Variants in HPSE2 observed in about 807,000 individuals in gnomAD.
HPSE2 encodes the protein inactive heparanase-2.
HPSE2 carries 38 observed loss-of-function variants against 60.5 expected under a neutral mutation model. The observed-to-expected ratio is 0.63, with a 90% CI of 0.48 to 0.82. The LOEUF (loss-of-function observed/expected upper bound fraction) is 0.82, where lower values mean the gene tolerates loss of function less well. Ranked by LOEUF, HPSE2 falls within the 40% of genes least tolerant of loss-of-function variation. The pLI, the probability that HPSE2 is intolerant of heterozygous loss-of-function variation, is 0.00. For missense variants in HPSE2, 713 were observed against 740.4 expected (o/e 0.96, Z 0.43); for synonymous variants, 295 against 293.2 (o/e 1.01, Z -0.06).
the HPSE2 span, among the ~76,000 whole-genome samples, chr10:99,252,250 C>A: frequency 6.6e-6 from 1 of 152,036 alleles, no homozygotes; most frequent in Admixed American, 6.6e-5. Context: ...CCCTTGAGAA[C>A]TGGAACAAGA....
At chr10:98,529,785 C>G (rs1386052897) in intron 9 of HPSE2, among the ~76,000 whole-genome samples, 1 of 152,194 alleles carries the variant, frequency 6.6e-6, no homozygotes, top group Non-Finnish European at 1.5e-5. Flanking sequence ...CTTCTCTTTT[C>G]TCCTGCACAA....
chr10:99,141,894 T>C (rs1845878443), intron 3 of HPSE2, among the ~76,000 whole-genome samples: 2 of 152,226 alleles, frequency 1.3e-5, no homozygotes, highest in Non-Finnish European at 2.9e-5. Context: ...ACTGATATCT[T>C]AGTTGTCCCA....
intron 3 of HPSE2, among the ~76,000 whole-genome samples, chr10:98,874,910 AT>A (rs1238622245): frequency 1.3e-5 from 2 of 152,060 alleles, no homozygotes; most frequent in Non-Finnish European, 2.9e-5. Flanking sequence ...GATAGATTAC[AT>A]TTACTGATTT....
chr10:99,042,979 A>G (rs1365077649), intron 3 of HPSE2, among the ~76,000 whole-genome samples: 1 of 152,228 alleles, frequency 6.6e-6, no homozygotes, highest in Non-Finnish European at 1.5e-5. Flanking sequence ...AACTAAGGAC[A>G]AGAATTCAGC....
intron 3 of HPSE2, among the ~76,000 whole-genome samples, chr10:98,751,290 C>T (rs529380798): frequency 1.3e-5 from 2 of 152,076 alleles, no homozygotes; most frequent in Non-Finnish European, 2.9e-5. Context: ...AGCTCCTCTT[C>T]CATAGAAATG....
At chr10:99,240,634 G>C (rs1238895396), upstream of HPSE2, among the ~76,000 whole-genome samples, 2 of 151,906 alleles carry the variant, frequency 1.3e-5, no homozygotes, top group Non-Finnish European at 2.9e-5. Context: ...GGATGGTCTT[G>C]ACCTCCTGAC....
At chr10:99,084,178 A>G (rs1293838968) in intron 3 of HPSE2, among the ~76,000 whole-genome samples, 1 of 152,070 alleles carries the variant, frequency 6.6e-6, no homozygotes, top group African/African-American at 2.4e-5. Context: ...CCTATCCTGA[A>G]ATAAATGCTA....
At chr10:98,926,983 T>C (rs1258365992) in intron 3 of HPSE2, among the ~76,000 whole-genome samples, 3 of 152,190 alleles carry the variant, frequency 2.0e-5, no homozygotes, top group Admixed American at 6.5e-5. Context: ...GACAGTTTGT[T>C]ATAATTTCTG....
At chr10:98,581,190 A>C (rs1944789364) in intron 9 of HPSE2, among the ~76,000 whole-genome samples, 2 of 152,050 alleles carry the variant, frequency 1.3e-5, no homozygotes, top group African/African-American at 4.8e-5. Flanking sequence ...GGTGTGAGCC[A>C]CTGTGCCCAG....
chr10:99,109,516 T>C (rs4919276), intron 3 of HPSE2, among the ~76,000 whole-genome samples: 128,067 of 152,030 alleles, frequency 0.84, 55,006 homozygotes, highest in South Asian at 0.97. Flanking sequence ...CTGAAACTGG[T>C]CAACTCCGAG....
chr10:99,175,668 G>A (rs1485751616), intron 2 of HPSE2, among the ~76,000 whole-genome samples: 1 of 152,222 alleles, frequency 6.6e-6, no homozygotes, highest in African/African-American at 2.4e-5. Context: ...CAGAGCACCT[G>A]GGAGAAGGGG....
chr10:99,166,145 C>CCT (rs55802265), intron 2 of HPSE2, among the ~76,000 whole-genome samples: 130,093 of 152,000 alleles, frequency 0.86, 56,766 homozygotes, highest in South Asian at 0.97. Context: ...ATAGTTAATT[C>CCT]TTTTATTGCT....
chr10:98,931,455 C>A (rs1814077772), intron 3 of HPSE2, among the ~76,000 whole-genome samples: 1 of 143,970 alleles, frequency 6.9e-6, no homozygotes, highest in Non-Finnish European at 1.5e-5. Flanking sequence ...TATGCAAGCT[C>A]TTTTTTGGTT....
At chr10:98,907,103 G>A (rs943592411) in intron 3 of HPSE2, among the ~76,000 whole-genome samples, 1 of 152,030 alleles carries the variant, frequency 6.6e-6, no homozygotes, top group Non-Finnish European at 1.5e-5. Flanking sequence ...AGAAATTAAG[G>A]CTTACAAAGT....
chr10:98,560,734 G>C (rs1392496412), intron 9 of HPSE2, among the ~76,000 whole-genome samples: 1 of 152,184 alleles, frequency 6.6e-6, no homozygotes, highest in African/African-American at 2.4e-5. Context: ...ATATACAATG[G>C]TGGACCCACA....
chr10:98,500,522 G>T (rs991381201), intron 9 of HPSE2, among the ~76,000 whole-genome samples: 1 of 152,130 alleles, frequency 6.6e-6, no homozygotes, highest in African/African-American at 2.4e-5. Flanking sequence ...ATACAGCAAA[G>T]GCGGTGCTAA....
At chr10:98,767,826 T>G (rs547850957) in intron 3 of HPSE2, among the ~76,000 whole-genome samples, 1 of 146,466 alleles carries the variant, frequency 6.8e-6, no homozygotes, top group Non-Finnish European at 1.5e-5. Flanking sequence ...ATTTAATATA[T>G]ATTACTATAT....
intron 3 of HPSE2, among the ~76,000 whole-genome samples, chr10:98,763,894 A>T (rs1424543465): frequency 1.3e-5 from 2 of 152,066 alleles, no homozygotes; most frequent in African/African-American, 4.8e-5. Flanking sequence ...AACAAAGGAG[A>T]AGCAACAGAA....
intron 11 of HPSE2, among the ~76,000 whole-genome samples, chr10:98,473,484 C>CA (rs752065277): frequency 0.055 from 2,387 of 43,486 alleles, 75 homozygotes; most frequent in African/African-American, 0.1. Flanking sequence ...GACTCTGTCT[C>CA]AAAAAAAAAA....
Sources: allele counts gnomAD v4.1 joint callset (sites outside exome capture counted in the v4.1 genomes callset), GRCh38; gene constraint gnomAD v4.1.1; transcripts MANE v1.5; gene names NCBI Gene and HGNC (gene_info 2026-07-23, HGNC 2026-07-21).